RIN2: variants seen among roughly 807,000 people sequenced by gnomAD.
RIN2 encodes the protein RAB5 interacting protein 2.
Under a neutral mutation model 78.0 loss-of-function variants are expected in RIN2, and 36 were observed. The observed-to-expected ratio is 0.46, with a 90% confidence interval of 0.35 to 0.61. The LOEUF (loss-of-function observed/expected upper bound fraction) is 0.61, where lower values mean the gene tolerates loss of function less well. RIN2 is among the 20% of genes least tolerant of loss of function. The pLI is 0.00. For synonymous variants in RIN2, 466 were observed against 466.8 expected, an observed-to-expected ratio of 1.00 and a Z score of 0.02; for missense variants, 1,087 against 1,159.7, an observed-to-expected ratio of 0.94 and a Z score of 0.91.
intron 1 of RIN2, among the ~76,000 whole-genome samples, chr20:19,766,404 A>ACCTCT (rs1491446700): frequency 1.3e-5 from 2 of 152,116 alleles, no homozygotes; most frequent in Non-Finnish European, 2.9e-5. Flanking sequence ...GATCAGAGGT[A>ACCTCT]GAGTCATTTC....
chr20:19,927,993 CCT>C (rs1157315071), intron 3 of RIN2, among the ~76,000 whole-genome samples: 22 of 152,334 alleles, frequency 1.4e-4, no homozygotes, highest in Non-Finnish European at 2.8e-4. Flanking sequence ...ACCTCCACCA[CCT>C]GGGTTCAAGT....
intron 4 of RIN2, among the ~76,000 whole-genome samples, chr20:19,936,766 G>T: frequency 6.6e-6 from 1 of 152,198 alleles, no homozygotes; most frequent in South Asian, 2.1e-4. Flanking sequence ...AAGAATAACT[G>T]TAAGCAGTCC....
chr20:19,764,918 GTTTTT>G (rs10605325), intron 1 of RIN2, among the ~76,000 whole-genome samples: 1 of 50,362 alleles, frequency 2.0e-5, no homozygotes, highest in Non-Finnish European at 3.6e-5. Context: ...CACTTTCTGC[GTTTTT>G]TTTTTTTTTT....
intron 4 of RIN2, among the ~76,000 whole-genome samples, chr20:19,951,942 G>A (rs1478667112): frequency 5.3e-5 from 8 of 152,208 alleles, no homozygotes; most frequent in Non-Finnish European, 2.9e-5. Flanking sequence ...CTTAGAAATC[G>A]CTAGTTTCTA....
At chr20:19,894,762 A>G (rs1349895442) in intron 3 of RIN2, among the ~76,000 whole-genome samples, 1 of 152,032 alleles carries the variant, frequency 6.6e-6, no homozygotes, top group African/African-American at 2.4e-5. Context: ...TTAGGTTCTC[A>G]TTCTTTCATT....
At chr20:19,789,814 A>G (rs919187481) in intron 1 of RIN2, among the ~76,000 whole-genome samples, 2 of 152,220 alleles carry the variant, frequency 1.3e-5, no homozygotes, top group African/African-American at 4.8e-5. Flanking sequence ...CCAAAGTGCT[A>G]GCCAGAGATT....
chr20:19,978,898 C>T (rs926198951), intron 9 of RIN2, among the ~76,000 whole-genome samples: 3 of 152,178 alleles, frequency 2.0e-5, no homozygotes, highest in African/African-American at 7.2e-5. Context: ...GGATCAACCT[C>T]TTCACGGACA....
intron 2 of RIN2, among the ~76,000 whole-genome samples, chr20:19,865,203 C>T (rs2037465179): frequency 6.6e-6 from 1 of 152,192 alleles, no homozygotes; most frequent in Non-Finnish European, 1.5e-5. Context: ...GAGAGATGCT[C>T]ACCGTCACCA....
chr20:19,928,167 T>C (rs2040301404), intron 3 of RIN2, among the ~76,000 whole-genome samples: 1 of 152,214 alleles, frequency 6.6e-6, no homozygotes, highest in African/African-American at 2.4e-5. Context: ...CCTCCCAAAA[T>C]GTTGGGATTA....
chr20:19,992,070 C>T (rs2042813359), intron 10 of RIN2, 98 bp from the exon 11 acceptor site: 2 of 1,406,982 alleles, frequency 1.4e-6, no homozygotes, highest in Admixed American at 4.2e-5. Context: ...CAGTTCCCCC[C>T]AGAGTGACTC....
At chr20:19,995,976 C>A (rs929202645) in intron 11 of RIN2, among the ~76,000 whole-genome samples, 4 of 152,182 alleles carry the variant, frequency 2.6e-5, no homozygotes, top group African/African-American at 7.2e-5. Flanking sequence ...CCCCGTCAGG[C>A]CTTAATACCC....
In RIN2 at chr20:19,889,626, C is replaced by T. The variant is rs779949955; in HGVS notation, c.25C>T (p.Arg9Cys). The stretch of plus-strand genomic sequence containing the variant: ...AATGACAGCTTGGACCATGGGCGCC[C>T]GCGGTCTGGACAAGCGAGGAAGTTT... MTAWTMGA[R>C]GLDKRGSFFK... The change falls in exon 3 of 13, where the codon CGC becomes TGC. Residue 9 changes from arginine (R) to cysteine (C), a missense_variant. Arg to Cys is a radical substitution (Grantham distance 180, BLOSUM62 -3). Coordinates refer to ENST00000255006, the MANE Select transcript of RIN2 (RefSeq NM_018993.4). 6 of 1,547,646 alleles carry T rather than the reference C, an allele frequency of 3.9e-6. No homozygotes were observed. Among genetic ancestry groups the T allele is most frequent in the East Asian group, 4.9e-5 (2 of 40,980 alleles).
At chr20:19,991,220 G>A (rs1013041111) in intron 10 of RIN2, among the ~76,000 whole-genome samples, 2 of 152,196 alleles carry the variant, frequency 1.3e-5, no homozygotes, top group Non-Finnish European at 2.9e-5. Context: ...GCTCCTGGGC[G>A]TGGTAATGAT....
At chr20:19,773,155 A>G (rs983082989) in intron 1 of RIN2, among the ~76,000 whole-genome samples, 4 of 152,200 alleles carry the variant, frequency 2.6e-5, no homozygotes, top group Non-Finnish European at 5.9e-5. Context: ...GCATCCCTCC[A>G]GTCCTCCATG....
At chr20:19,826,601 A>G (rs1042057190) in intron 2 of RIN2, among the ~76,000 whole-genome samples, 4 of 152,226 alleles carry the variant, frequency 2.6e-5, no homozygotes, top group African/African-American at 9.6e-5. Flanking sequence ...CAGTACATGA[A>G]TGACTGGTGT....
intron 2 of RIN2, among the ~76,000 whole-genome samples, chr20:19,858,263 G>A (rs1019799232): frequency 6.6e-6 from 1 of 152,146 alleles, no homozygotes; most frequent in Non-Finnish European, 1.5e-5. Flanking sequence ...GGGGAGAATA[G>A]GAATCAGGTC....
In RIN2 at chr20:19,938,925, G is replaced by A. The variant is rs2040755087; in HGVS notation, c.158+3726G>A. ...TTCCTTCATAGGTTCATTCCTTCCTGGGTCTTCCCCGTCCCAGTCACCATG... is the reference window on the plus strand; with the variant it reads ...TTCCTTCATAGGTTCATTCCTTCCTAGGTCTTCCCCGTCCCAGTCACCATG... On this transcript the variant is annotated intron_variant, in intron 4 of 12. Coordinates refer to ENST00000255006, the MANE Select transcript of RIN2 (RefSeq NM_018993.4). Among the ~76,000 whole-genome samples the A allele has an allele frequency of 3.3e-5, 5 of 152,164 alleles. No individual in the cohort carries two copies. In the South Asian group the frequency reaches 1.0e-3, roughly 32 times the overall value.
chr20:19,900,454 G>A (rs2038927179), intron 3 of RIN2, among the ~76,000 whole-genome samples: 1 of 151,730 alleles, frequency 6.6e-6, no homozygotes, highest in Admixed American at 6.6e-5. Flanking sequence ...CTGCACTCCA[G>A]CCTGGGCAAC....
At position 20,000,682 on chromosome 20, in the gene RIN2, T is replaced by C; in HGVS notation, c.2434T>C (p.Tyr812His). Residue 812 changes from tyrosine to histidine, a missense_variant, in exon 13 of 13, where the codon TAC becomes CAC. Physicochemically the swap from Tyr to His is moderately conservative, Grantham distance 83 (BLOSUM62 2). Coordinates refer to ENST00000255006, the MANE Select transcript of RIN2 (RefSeq NM_018993.4). The part of the protein sequence containing the change: ...CTGKTLLVRP[Y>H]ITTEDVCQIC... ...AGGAAAGACCCTCCTTGTGAGACCTTACATCACCACTGAGGATGTGTGTCA... is the reference window on the plus strand; with the variant it reads ...AGGAAAGACCCTCCTTGTGAGACCTCACATCACCACTGAGGATGTGTGTCA... The C allele has an allele frequency of 6.2e-7, 1 of 1,613,712 alleles. No homozygotes were observed. The highest frequency in any genetic ancestry group is 8.5e-7 in the Non-Finnish European group (1 of 1,179,634).
Sources: allele counts gnomAD v4.1 joint callset (sites outside exome capture counted in the v4.1 genomes callset), GRCh38; gene constraint gnomAD v4.1.1; transcripts MANE v1.5; gene names NCBI Gene and HGNC (gene_info 2026-07-23, HGNC 2026-07-21).